The following CAPSL variants were observed in gnomAD, a reference collection of about 807,000 sequenced individuals.
The protein encoded by CAPSL is calcyphosine like, also known as calcyphosin-like protein.
A neutral mutation model predicts 21.3 loss-of-function variants in CAPSL; 17 were observed. The observed-to-expected ratio is 0.80, with a 90% CI of 0.55 to 1.20. The LOEUF is 1.20. CAPSL is among the 50% of genes most tolerant of loss of function. The probability of loss-of-function intolerance (pLI) is 0.00; values close to 1 mark genes in which losing one functional copy is unlikely to be tolerated. For missense variants in CAPSL, 289 were observed against 259.3 expected, an observed-to-expected ratio of 1.11 and a Z score of -0.79; for synonymous variants, 102 against 89.3, an observed-to-expected ratio of 1.14 and a Z score of -0.80.
chr5:35,925,851 C>G (rs1468581088), intron 1 of CAPSL, among the ~76,000 whole-genome samples: 1 of 152,024 alleles, frequency 6.6e-6, no homozygotes. Context: ...CAGAGACGGG[C>G]GGATCACCTG....
intron 1 of CAPSL, among the ~76,000 whole-genome samples, chr5:35,937,427 G>A (rs528076709): frequency 6.6e-6 from 1 of 152,216 alleles, no homozygotes; most frequent in South Asian, 2.1e-4. Flanking sequence ...ACACACCATA[G>A]CATTCTGTAT....
intron 4 of CAPSL, among the ~76,000 whole-genome samples, chr5:35,907,626 C>T (rs1398546754): frequency 6.6e-6 from 1 of 152,120 alleles, no homozygotes; most frequent in Non-Finnish European, 1.5e-5. Flanking sequence ...ACATCAAATT[C>T]CGTGACTGCT....
At chr5:35,920,855 A>G in intron 2 of CAPSL, 129 bp downstream of exon 2, 1 of 967,878 alleles carries the variant, frequency 1.0e-6, no homozygotes, top group South Asian at 1.7e-5. Flanking sequence ...TAAACTCTAC[A>G]TTTTACAAAT....
intron 1 of CAPSL, among the ~76,000 whole-genome samples, chr5:35,928,080 C>A (rs573697420): frequency 1.2e-4 from 19 of 152,122 alleles, no homozygotes; most frequent in Non-Finnish European, 2.1e-4. Flanking sequence ...ATTCTCTCGG[C>A]CTTTCAGATG....
At chr5:35,925,761 T>G (rs1738657867) in intron 1 of CAPSL, among the ~76,000 whole-genome samples, 1 of 148,380 alleles carries the variant, frequency 6.7e-6, no homozygotes, top group Non-Finnish European at 1.5e-5. Flanking sequence ...AGGGAAAAAG[T>G]CTTCTTAAAA....
intron 1 of CAPSL, among the ~76,000 whole-genome samples, chr5:35,936,181 A>G (rs1738942066): frequency 6.6e-6 from 1 of 152,052 alleles, no homozygotes; most frequent in Admixed American, 6.6e-5. Flanking sequence ...CAAATCTATA[A>G]AAGTATAGCG....
intron 1 of CAPSL, among the ~76,000 whole-genome samples, chr5:35,926,854 C>T (rs1738698698): frequency 6.6e-6 from 1 of 152,174 alleles, no homozygotes; most frequent in South Asian, 2.1e-4. Context: ...GGAAACTCTC[C>T]CTCCTTTGAC....
At chr5:35,927,960 A>G (rs560169745) in intron 1 of CAPSL, among the ~76,000 whole-genome samples, 3 of 152,332 alleles carry the variant, frequency 2.0e-5, no homozygotes, top group African/African-American at 7.2e-5. Context: ...GCTAGAACAA[A>G]ATACCATAGA....
chr5:35,914,201 T>G (rs891180322), intron 2 of CAPSL, among the ~76,000 whole-genome samples: 1 of 152,168 alleles, frequency 6.6e-6, no homozygotes, highest in Non-Finnish European at 1.5e-5. Flanking sequence ...GCACGCAGAT[T>G]CATAAAGCAA....
chr5:35,916,842 GA>G (rs957727058), intron 2 of CAPSL, among the ~76,000 whole-genome samples: 47 of 152,136 alleles, frequency 3.1e-4, no homozygotes, highest in African/African-American at 1.0e-3. Context: ...AAGCAATGGC[GA>G]CAAAAGCCAA....
At chr5:35,933,524 C>T (rs1471236357) in intron 1 of CAPSL, among the ~76,000 whole-genome samples, 2 of 152,114 alleles carry the variant, frequency 1.3e-5, no homozygotes, top group Non-Finnish European at 2.9e-5. Context: ...ACAGGAAACC[C>T]CTGTGGTCAC....
chr5:35,911,924 C>T (rs1031184886), intron 2 of CAPSL, among the ~76,000 whole-genome samples: 1 of 152,162 alleles, frequency 6.6e-6, no homozygotes, highest in Non-Finnish European at 1.5e-5. Context: ...TCGCCTCACC[C>T]AGGAAGCGCA....
intron 1 of CAPSL, among the ~76,000 whole-genome samples, chr5:35,936,960 A>G (rs1738962723): frequency 6.6e-6 from 1 of 152,188 alleles, no homozygotes; most frequent in Admixed American, 6.5e-5. Context: ...TGCTTCAGGA[A>G]ACAGCAATAC....
At chr5:35,916,761 C>T (rs150116021) in intron 2 of CAPSL, among the ~76,000 whole-genome samples, 3,393 of 152,172 alleles carry the variant, frequency 0.022, 118 homozygotes, top group African/African-American at 0.076. Flanking sequence ...CCATAAAAAC[C>T]GTAGAAGAAA....
Position 35,925,682 on chromosome 5 carries a change from T to C in CAPSL, c.1-4562A>G, listed in dbSNP as rs189251368. The stretch of plus-strand genomic sequence containing the variant: ...AGTTTTCTTAAAAAGGGAAAAATTC[T>C]TCTTAAAAAAGGAAAAAGTCTTCTT... On this transcript the variant is annotated intron_variant, in intron 1 of 4. Coordinates refer to ENST00000651391, the MANE Select transcript of CAPSL (RefSeq NM_001042625.2). 9.2e-5 allele frequency among the ~76,000 whole-genome samples: 14 copies of C among 152,176 alleles called. No individual in the cohort carries two copies. In the East Asian group the frequency reaches 2.3e-3, roughly 25 times the overall value.
intron 1 of CAPSL, among the ~76,000 whole-genome samples, chr5:35,934,256 C>T (rs995537816): frequency 7.9e-5 from 12 of 152,176 alleles, no homozygotes; most frequent in Non-Finnish European, 1.6e-4. Flanking sequence ...AGCACCTCAC[C>T]ACCACCTCCA....
rs1443911315 is a variant in CAPSL, at chr5:35,921,014, C to T, written c.107G>A (p.Arg36Lys). The T allele has an allele frequency of 6.2e-7, 1 of 1,614,168 alleles. No individual in the cohort carries two copies. The highest frequency in any genetic ancestry group is 1.7e-5 in the Admixed American group (1 of 60,028). ...AAGTCCTTTGATCCCAGCAGAGCCC[C>T]TGGCCAGGCACTGCAGTCGGAGTCT... ...IERLRLQCLA[R>K]GSAGIKGLGR... is the part of the protein sequence containing the mutation. Residue 36 changes from arginine (R) to lysine (K), a missense_variant, in exon 2 of 5, where the codon AGG (arginine) becomes AAG (lysine). Arg to Lys is a conservative substitution (Grantham distance 26). Transcript: ENST00000651391.
At chr5:35,918,007 T>C (rs1738437351) in intron 2 of CAPSL, among the ~76,000 whole-genome samples, 2 of 152,278 alleles carry the variant, frequency 1.3e-5, no homozygotes, top group South Asian at 4.1e-4. Flanking sequence ...ACCCTGTTGG[T>C]AGAAGTGTGA....
rs980823250 is a variant in CAPSL at position 35,923,839 on chromosome 5, T to G, written c.1-2719A>C. On this transcript the variant is annotated intron_variant, in intron 1 of 4. Transcript: ENST00000651391. Reference sequence around the variant, plus strand: ...TTGGAACTTGACATAGACGGTGGTTTATCAACATTGTGAATGTAATATACA... The same window carrying G: ...TTGGAACTTGACATAGACGGTGGTTGATCAACATTGTGAATGTAATATACA... Among the ~76,000 whole-genome samples the G allele has an allele frequency of 1.1e-4, 16 of 152,338 alleles. 3 individuals carry two copies. Among genetic ancestry groups the G allele is most frequent in the East Asian group, 3.9e-4 (2 of 5,188 alleles).
Sources: allele counts gnomAD v4.1 joint callset (sites outside exome capture counted in the v4.1 genomes callset), GRCh38; gene constraint gnomAD v4.1.1; transcripts MANE v1.5; gene names NCBI Gene and HGNC (gene_info 2026-07-23, HGNC 2026-07-21).